The following TXNDC16 variants were observed in gnomAD, a reference collection of about 807,000 sequenced individuals.
The protein encoded by TXNDC16 is thioredoxin domain-containing protein 16.
A neutral mutation model predicts 85.6 loss-of-function variants in TXNDC16; 74 were observed. The observed-to-expected ratio is 0.86, with a 90% CI of 0.72 to 1.05. TXNDC16 has a LOEUF of 1.05. Ranked by LOEUF, TXNDC16 falls within the 50% of genes least tolerant of loss-of-function variation. TXNDC16 has a pLI of 0.00. For missense variants in TXNDC16, 959 were observed against 947.0 expected (o/e 1.01, Z -0.17); for synonymous variants, 335 against 326.5 (o/e 1.03, Z -0.28).
chr14:52,454,052 AAAC>A (rs762366915), intron 18 of TXNDC16, among the ~76,000 whole-genome samples: 7 of 152,340 alleles, frequency 4.6e-5, no homozygotes, highest in Non-Finnish European at 8.8e-5. Flanking sequence ...GGATTGTTTG[AAAC>A]ACAAAGGGTA....
intron 14 of TXNDC16, among the ~76,000 whole-genome samples, chr14:52,474,405 A>G (rs2035974102): frequency 6.6e-6 from 1 of 152,244 alleles, no homozygotes; most frequent in Non-Finnish European, 1.5e-5. Flanking sequence ...CTTGCCTTGC[A>G]TAAAGGAAAA....
intron 9 of TXNDC16, among the ~76,000 whole-genome samples, chr14:52,497,661 C>G (rs997968077): frequency 2.6e-5 from 4 of 152,124 alleles, no homozygotes; most frequent in African/African-American, 4.8e-5. Context: ...GGGCGGATTG[C>G]CTGAGCTCAG....
chr14:52,482,771 G>T, intron 13 of TXNDC16, 51 bp downstream of exon 13: 1 of 1,494,798 alleles, frequency 6.7e-7, no homozygotes, highest in East Asian at 2.4e-5. Context: ...AATTAAATCT[G>T]GGTTTTTAAA....
At chr14:52,442,379 G>A (rs1275658647) in intron 18 of TXNDC16, among the ~76,000 whole-genome samples, 2 of 152,148 alleles carry the variant, frequency 1.3e-5, no homozygotes, top group African/African-American at 2.4e-5. Context: ...GGGAAGGAGT[G>A]ATGGTAGAAT....
At chr14:52,457,231 C>G (rs2035555828) in intron 16 of TXNDC16, 57 bp from the exon 17 acceptor site, 5 of 965,018 alleles carry the variant, frequency 5.2e-6, no homozygotes, top group Non-Finnish European at 7.8e-6. Flanking sequence ...GTATGCTATT[C>G]AACTGATGAA....
chr14:52,528,966 A>T (rs2037407466), intron 6 of TXNDC16, among the ~76,000 whole-genome samples: 1 of 147,646 alleles, frequency 6.8e-6, no homozygotes, highest in African/African-American at 2.5e-5. Flanking sequence ...TATCTATATA[A>T]TACCTATTCT....
chr14:52,509,696 T>C (rs897095923), intron 9 of TXNDC16, among the ~76,000 whole-genome samples: 2 of 150,894 alleles, frequency 1.3e-5, no homozygotes, highest in Non-Finnish European at 3.0e-5. Context: ...AACTAAGGAA[T>C]GGCTGGGCGT....
chr14:52,511,436 C>G (rs749668438), intron 8 of TXNDC16, 46 bp from the exon 9 acceptor site: 2 of 1,281,130 alleles, frequency 1.6e-6, no homozygotes, highest in Admixed American at 4.2e-5. Context: ...AATATGTGAT[C>G]CTTCTACCAT....
intron 1 of TXNDC16, among the ~76,000 whole-genome samples, chr14:52,545,533 T>C (rs545895983): frequency 1.3e-5 from 2 of 152,260 alleles, no homozygotes; most frequent in East Asian, 1.9e-4. Flanking sequence ...AAATACTGAA[T>C]AATGATTTAA....
intron 14 of TXNDC16, among the ~76,000 whole-genome samples, chr14:52,474,470 C>T (rs1446344722): frequency 2.6e-5 from 4 of 152,324 alleles, no homozygotes; most frequent in African/African-American, 9.6e-5. Flanking sequence ...AGGCTGGGCG[C>T]AGTGGCTCAT....
At chr14:52,474,179 T>C (rs963068977) in intron 14 of TXNDC16, among the ~76,000 whole-genome samples, 4 of 152,208 alleles carry the variant, frequency 2.6e-5, no homozygotes, top group Admixed American at 2.0e-4. Context: ...TGGTCATTAA[T>C]AGAAAAGAAT....
At chr14:52,535,112 T>C (rs1438098937) in intron 6 of TXNDC16, among the ~76,000 whole-genome samples, 2 of 152,222 alleles carry the variant, frequency 1.3e-5, no homozygotes, top group Non-Finnish European at 2.9e-5. Context: ...CTTCTTTTTC[T>C]GTTTCTTCAC....
At chr14:52,501,573 C>A (rs2036659832) in intron 9 of TXNDC16, among the ~76,000 whole-genome samples, 1 of 152,122 alleles carries the variant, frequency 6.6e-6, no homozygotes. Context: ...GGGGAATGAG[C>A]TTCAGTAGTA....
chr14:52,525,989 T>C (rs540970665), intron 6 of TXNDC16, among the ~76,000 whole-genome samples: 27 of 152,102 alleles, frequency 1.8e-4, no homozygotes, highest in East Asian at 1.3e-3. Context: ...TATTTAAAAT[T>C]TTTTTTACTG....
intron 16 of TXNDC16, among the ~76,000 whole-genome samples, chr14:52,461,403 A>G (rs1424844503): frequency 7.2e-6 from 1 of 139,446 alleles, no homozygotes; most frequent in East Asian, 2.3e-4. Context: ...GTACATAAAC[A>G]AACATATGTT....
intron 13 of TXNDC16, 65 bp from the exon 14 acceptor site, chr14:52,482,354 G>A: frequency 7.5e-7 from 1 of 1,329,450 alleles, no homozygotes; most frequent in South Asian, 1.2e-5. Flanking sequence ...ACACTGATAT[G>A]TAACAAATAT....
At position 52,528,559 on chromosome 14, in the gene TXNDC16, T is replaced by C. The variant is rs1458877529; in HGVS notation, c.392+8160A>G. On this transcript the variant is annotated intron_variant, in intron 6 of 20. Coordinates refer to ENST00000281741, the MANE Select transcript of TXNDC16 (RefSeq NM_020784.3). Reference sequence around the variant, plus strand: ...AATGTAAATGTAGAAGAATTATATATGATATATATATACACAGCTCTTATG... The same window carrying C: ...AATGTAAATGTAGAAGAATTATATACGATATATATATACACAGCTCTTATG... Among the ~76,000 whole-genome samples, 5 of 151,716 alleles carry C rather than the reference T, an allele frequency of 3.3e-5. No homozygotes were observed. The East Asian group carries it at 7.7e-4, about 23-fold the overall frequency.
intron 6 of TXNDC16, among the ~76,000 whole-genome samples, chr14:52,530,872 C>G (rs185675020): frequency 8.8e-4 from 133 of 151,158 alleles, no homozygotes; most frequent in Non-Finnish European, 1.7e-3. Context: ...AGCATTAAAA[C>G]ACTACTAGAA....
chr14:52,437,026 T>G (rs893543091), intron 20 of TXNDC16, among the ~76,000 whole-genome samples: 1 of 152,138 alleles, frequency 6.6e-6, no homozygotes, highest in African/African-American at 2.4e-5. Context: ...TTGCTACATG[T>G]TTACTTATTT....
Sources: allele counts gnomAD v4.1 joint callset (sites outside exome capture counted in the v4.1 genomes callset), GRCh38; gene constraint gnomAD v4.1.1; transcripts MANE v1.5; gene names NCBI Gene and HGNC (gene_info 2026-07-23, HGNC 2026-07-21).